Variants in TLN2 observed in about 807,000 individuals in gnomAD.
TLN2 encodes the protein talin 2, also known as talin-2.
Under a neutral mutation model 294.7 loss-of-function variants are expected in TLN2, and 118 were observed. That is an observed-to-expected ratio of 0.40 (90% confidence interval 0.34 to 0.47). TLN2 has a LOEUF of 0.47. Ranked by LOEUF, TLN2 falls within the 20% of genes least tolerant of loss-of-function variation. The pLI, the probability that TLN2 is intolerant of heterozygous loss-of-function variation, is 0.84. For synonymous variants in TLN2, 1,431 were observed against 1,304.5 expected, an observed-to-expected ratio of 1.10 and a Z score of -2.09; for missense variants, 3,083 against 3,282.2, an observed-to-expected ratio of 0.94 and a Z score of 1.48.
chr15:62,647,391 G>A lies in TLN2; in HGVS notation c.81G>A (p.Val27=). 1 of 1,614,228 alleles carries A rather than the reference G, an allele frequency of 6.2e-7. No individual in the cohort carries two copies. Among genetic ancestry groups the A allele is most frequent in the Non-Finnish European group, 8.5e-7 (1 of 1,180,038 alleles). ...TGCAGTTTGAACCATCTACAGCTGTGTACGATGCGTGTCGAGTCATTCGGG... is the reference window on the plus strand; with the variant it reads ...TGCAGTTTGAACCATCTACAGCTGTATACGATGCGTGTCGAGTCATTCGGG... ...KTMQFEPSTA[V]YDACRVIRER... is the part of the protein sequence containing the mutation. Residue 27 remains valine (V), a synonymous_variant, in exon 4 of 59, where the codon GTG becomes GTA. Transcript: ENST00000636159.
chr15:62,471,214 G>C (rs2037453684), intron 1 of TLN2, among the ~76,000 whole-genome samples: 1 of 152,184 alleles, frequency 6.6e-6, no homozygotes, highest in Non-Finnish European at 1.5e-5. Flanking sequence ...GCGTGTGCCT[G>C]TAGTCCCAGC....
chr15:62,683,830 G>A (rs550678255), intron 11 of TLN2, among the ~76,000 whole-genome samples: 1 of 152,122 alleles, frequency 6.6e-6, no homozygotes, highest in Non-Finnish European at 1.5e-5. Context: ...TGGTTCGGGG[G>A]TACTGAGACT....
chr15:62,626,103 A>G lies in TLN2; in HGVS notation c.-37+7628A>G, dbSNP rs192107419. Among the ~76,000 whole-genome samples, 1,244 of 151,946 alleles carry G rather than the reference A, an allele frequency of 8.2e-3. 21 individuals carry two copies. Among genetic ancestry groups the G allele is most frequent in the African/African-American group, 0.028 (1,171 of 41,518 alleles). On this transcript the variant is annotated intron_variant, in intron 3 of 58. Transcript: ENST00000636159. ...GCAAGCATTAGGGATTATGGCACAC[A>G]TAACGATATACATGACAGATTAGCA...
intron 43 of TLN2, among the ~76,000 whole-genome samples, chr15:62,777,393 G>A (rs758875753): frequency 3.3e-5 from 5 of 151,976 alleles, no homozygotes; most frequent in East Asian, 1.9e-4. Context: ...AAAATTAGCC[G>A]GGCATGGTTG....
At chr15:62,519,121 T>C (rs961191276) in intron 1 of TLN2, among the ~76,000 whole-genome samples, 4 of 152,206 alleles carry the variant, frequency 2.6e-5, no homozygotes, top group African/African-American at 7.2e-5. Context: ...CTCTATGTTA[T>C]AGAGCTGGAT....
At chr15:62,642,825 C>G (rs991348971) in intron 3 of TLN2, among the ~76,000 whole-genome samples, 2 of 151,936 alleles carry the variant, frequency 1.3e-5, no homozygotes, top group Non-Finnish European at 2.9e-5. Flanking sequence ...CCTCAGCCTC[C>G]TGAGTAGCTG....
rs2070513522 is a variant in TLN2, at chr15:62,840,412, G to A, written c.7501-70G>A. The stretch of plus-strand genomic sequence containing the variant: ...GTCGCGGGAGCCGTGGAGCTCACAT[G>A]AGCAGTGGGGTGGGTCGGAGGGTTT... On this transcript the variant is annotated intron_variant, in intron 58 of 58. Transcript: ENST00000636159. The A allele has an allele frequency of 1.1e-5, 18 of 1,588,476 alleles. No homozygotes were observed. In the South Asian group the frequency reaches 1.8e-4, roughly 16 times the overall value.
At chr15:62,638,482 G>A (rs1183854015) in intron 3 of TLN2, 6 of 454,064 alleles carry the variant, frequency 1.3e-5, no homozygotes, top group Non-Finnish European at 2.2e-5. Context: ...TAGGTTGGAG[G>A]GATCCTGGGA....
In TLN2 at chr15:62,694,377, C is replaced by G. The variant is rs146852692; in HGVS notation, c.1277C>G (p.Ser426Cys). ...GAGGAGTCAACCATGTTAGAAGAGT[C>G]CGTTTCCCCAAAAAAGTAAGTATTA... is the stretch of plus-strand genomic sequence containing the variant. ...GDEESTMLEE[S>C]VSPKKSTILQ... Residue 426 changes from serine (S) to cysteine (C), a missense_variant, in exon 14 of 59, where the codon TCC becomes TGC. By Grantham distance (112) the Ser-to-Cys change is moderately radical. Transcript: ENST00000636159. The G allele has an allele frequency of 6.2e-6, 10 of 1,613,992 alleles. No homozygotes were observed. In the African/African-American group the frequency reaches 1.3e-4, roughly 22 times the overall value.
At chr15:62,825,618 G>C (rs1346565777) in intron 54 of TLN2, among the ~76,000 whole-genome samples, 1 of 147,956 alleles carries the variant, frequency 6.8e-6, no homozygotes, top group Non-Finnish European at 1.5e-5. Flanking sequence ...GGGAGGCCAA[G>C]GTGGGCGGAT....
intron 1 of TLN2, among the ~76,000 whole-genome samples, chr15:62,503,658 A>G (rs572472639): frequency 4.6e-5 from 7 of 152,346 alleles, no homozygotes; most frequent in Non-Finnish European, 8.8e-5. Flanking sequence ...GACCTCCTGC[A>G]GTATGCTTGC....
chr15:62,699,046 G>A (rs892544697), intron 16 of TLN2, among the ~76,000 whole-genome samples, 179 bp downstream of exon 16: 1 of 152,164 alleles, frequency 6.6e-6, no homozygotes, highest in Admixed American at 6.5e-5. Context: ...GAGAATCATA[G>A]GGTACTGCTG....
chr15:62,560,327 A>G (rs1160383296), intron 1 of TLN2, among the ~76,000 whole-genome samples: 3 of 151,688 alleles, frequency 2.0e-5, no homozygotes, highest in Non-Finnish European at 2.9e-5. Context: ...TGCAACCTCC[A>G]CCTCCCGGGT....
chr15:62,664,662 C>A (rs2054319974), intron 9 of TLN2, among the ~76,000 whole-genome samples: 1 of 151,576 alleles, frequency 6.6e-6, no homozygotes, highest in Admixed American at 6.6e-5. Flanking sequence ...AGTTCGAAAC[C>A]AGCCTGACAA....
At chr15:62,426,150 A>AG (rs1441786232) in intron 1 of TLN2, among the ~76,000 whole-genome samples, 1 of 152,192 alleles carries the variant, frequency 6.6e-6, no homozygotes, top group Admixed American at 6.5e-5. Context: ...GCCTTGGAGA[A>AG]GCCATGGGGT....
chr15:62,464,684 A>T (rs1202868993), intron 1 of TLN2, among the ~76,000 whole-genome samples: 2 of 152,194 alleles, frequency 1.3e-5, no homozygotes, highest in East Asian at 3.9e-4. Context: ...ATAATTGCAA[A>T]AAATTTTGGT....
At chr15:62,642,804 C>T (rs1485240914) in intron 3 of TLN2, among the ~76,000 whole-genome samples, 4 of 151,524 alleles carry the variant, frequency 2.6e-5, no homozygotes, top group Non-Finnish European at 4.4e-5. Flanking sequence ...CGGGTTCAAG[C>T]GATTCTCCTG....
intron 9 of TLN2, among the ~76,000 whole-genome samples, chr15:62,672,427 G>C (rs1399808698): frequency 6.6e-6 from 1 of 152,136 alleles, no homozygotes; most frequent in Non-Finnish European, 1.5e-5. Context: ...TTAATTATAT[G>C]ATGTCTGGGA....
chr15:62,656,790 C>G (rs538685035), intron 8 of TLN2, among the ~76,000 whole-genome samples: 61 of 152,290 alleles, frequency 4.0e-4, no homozygotes, highest in African/African-American at 1.4e-3. Context: ...TGTATTGGAA[C>G]ACAGCTTATG....
Sources: allele counts gnomAD v4.1 joint callset (sites outside exome capture counted in the v4.1 genomes callset), GRCh38; gene constraint gnomAD v4.1.1; transcripts MANE v1.5; gene names NCBI Gene and HGNC (gene_info 2026-07-23, HGNC 2026-07-21).